CDK14: variants seen among roughly 807,000 people sequenced by gnomAD.
The protein encoded by CDK14 is cyclin-dependent kinase 14.
In CDK14, 34 loss-of-function variants were observed where a neutral mutation model predicts 60.7. That is an observed-to-expected ratio of 0.56 (90% CI 0.43 to 0.75). The LOEUF (loss-of-function observed/expected upper bound fraction) is 0.75. Ranked by LOEUF, CDK14 falls within the 30% of genes least tolerant of loss-of-function variation. The pLI, the probability that CDK14 is intolerant of heterozygous loss-of-function variation, is 0.00. For synonymous variants in CDK14, 197 were observed against 203.7 expected (o/e 0.97, Z 0.28); for missense variants, 482 against 564.1 (o/e 0.85, Z 1.47).
chr7:90,726,212 G>A, intron 2 of CDK14: 1 of 607,086 alleles, frequency 1.6e-6, no homozygotes, highest in Non-Finnish European at 2.1e-6. Flanking sequence ...TTTAAATTAA[G>A]GCTAGTTACC....
intron 13 of CDK14, 121 bp from the exon 14 acceptor site, chr7:91,117,944 A>T (rs1799656627): frequency 1.8e-6 from 1 of 559,028 alleles, no homozygotes; most frequent in Non-Finnish European, 3.2e-6. Flanking sequence ...ATCAAAACAT[A>T]CCATGATGTT....
rs150927700 is a variant in CDK14, at chr7:90,878,112, CAG to C, written c.639+14857_639+14858del. Among the ~76,000 whole-genome samples the C allele has an allele frequency of 4.0e-4, 58 of 145,382 alleles. 2 individuals carry two copies. In the South Asian group the frequency reaches 0.012, roughly 29 times the overall value. On this transcript the variant is annotated intron_variant, in intron 6 of 14. Transcript: ENST00000380050. The stretch of plus-strand genomic sequence containing the variant: ...TGTGTGTGAGAGAGAGAGAGAGAGA[CAG>C]AGAGAGAGAGAGAATTGAGAGTTAT...
intron 8 of CDK14, among the ~76,000 whole-genome samples, chr7:90,922,009 A>G (rs906019031): frequency 6.6e-6 from 1 of 152,196 alleles, no homozygotes; most frequent in African/African-American, 2.4e-5. Flanking sequence ...AATAGTAGTA[A>G]ACAGAAAGAA....
At chr7:90,719,109 G>GA (rs1563056076) in intron 2 of CDK14, among the ~76,000 whole-genome samples, 1 of 151,858 alleles carries the variant, frequency 6.6e-6, no homozygotes, top group South Asian at 2.1e-4. Flanking sequence ...TGGACAAAGG[G>GA]AAAAAAACAA....
chr7:90,688,288 G>A (rs1021577718), intron 2 of CDK14, among the ~76,000 whole-genome samples: 1 of 152,080 alleles, frequency 6.6e-6, no homozygotes, highest in Admixed American at 6.6e-5. Flanking sequence ...AGTGAATACG[G>A]ATTTCTAATG....
At chr7:90,907,708 A>T (rs536279882) in intron 7 of CDK14, among the ~76,000 whole-genome samples, 1 of 152,076 alleles carries the variant, frequency 6.6e-6, no homozygotes, top group Non-Finnish European at 1.5e-5. Flanking sequence ...CATAAAGCTG[A>T]TTCTTATTTT....
chr7:91,117,957 G>A, intron 13 of CDK14, 108 bp from the exon 14 acceptor site: 1 of 601,930 alleles, frequency 1.7e-6, no homozygotes, highest in Non-Finnish European at 2.9e-6. Context: ...ATGATGTTCA[G>A]TGTGCTGGGC....
intron 11 of CDK14, among the ~76,000 whole-genome samples, chr7:91,053,221 T>C (rs1797443295): frequency 6.6e-6 from 1 of 152,230 alleles, no homozygotes; most frequent in Non-Finnish European, 1.5e-5. Context: ...AACTGCATTA[T>C]AATAATGCTT....
intron 2 of CDK14, among the ~76,000 whole-genome samples, chr7:90,717,700 T>C (rs1802297438): frequency 6.6e-6 from 1 of 152,154 alleles, no homozygotes; most frequent in Non-Finnish European, 1.5e-5. Flanking sequence ...GTTTTTAATG[T>C]AGTTTCTCAG....
At chr7:90,622,541 TG>T (rs1799793539) in intron 2 of CDK14, among the ~76,000 whole-genome samples, 1 of 152,222 alleles carries the variant, frequency 6.6e-6, no homozygotes, top group Non-Finnish European at 1.5e-5. Flanking sequence ...TTCATATTTT[TG>T]GTTTTCTTCT....
intron 14 of CDK14, among the ~76,000 whole-genome samples, chr7:91,149,258 C>T (rs916344743): frequency 1.3e-5 from 2 of 151,754 alleles, no homozygotes; most frequent in African/African-American, 2.4e-5. Context: ...ATTTTCCGAA[C>T]GTGCCATTCA....
intron 2 of CDK14, among the ~76,000 whole-genome samples, chr7:90,645,427 C>T (rs1312467739): frequency 3.3e-5 from 5 of 151,434 alleles, no homozygotes; most frequent in African/African-American, 9.7e-5. Context: ...CTTTTTTTTC[C>T]CCCGTAACTC....
intron 14 of CDK14, among the ~76,000 whole-genome samples, chr7:91,174,015 A>C (rs994488970): frequency 2.6e-5 from 4 of 152,134 alleles, no homozygotes; most frequent in African/African-American, 9.7e-5. Flanking sequence ...GGCACAGACA[A>C]ACAAAAAGAT....
chr7:91,139,757 A>ACTTTT (rs981424644), intron 14 of CDK14, among the ~76,000 whole-genome samples: 1 of 148,016 alleles, frequency 6.8e-6, no homozygotes, highest in Non-Finnish European at 1.5e-5. Flanking sequence ...ACAATTCAGA[A>ACTTTT]CTTTTCTTTT....
At chr7:90,759,286 C>T (rs999851134) in intron 4 of CDK14, among the ~76,000 whole-genome samples, 6 of 152,112 alleles carry the variant, frequency 3.9e-5, no homozygotes, top group South Asian at 2.1e-4. Context: ...CTTACTCCTT[C>T]CCCCCAAGCA....
intron 11 of CDK14, among the ~76,000 whole-genome samples, chr7:91,060,439 C>T (rs564970979): frequency 6.6e-6 from 1 of 152,138 alleles, no homozygotes; most frequent in Non-Finnish European, 1.5e-5. Context: ...TTGATCCTGT[C>T]ATTATGATGT....
chr7:91,091,395 A>G (rs1264683220), intron 12 of CDK14, among the ~76,000 whole-genome samples: 1 of 143,798 alleles, frequency 7.0e-6, no homozygotes, highest in Non-Finnish European at 1.5e-5. Context: ...ATATACACAT[A>G]TGTATATAAA....
chr7:91,178,515 T>A (rs1801862692), intron 14 of CDK14, among the ~76,000 whole-genome samples: 1 of 149,264 alleles, frequency 6.7e-6, no homozygotes, highest in African/African-American at 2.5e-5. Context: ...ACCATCAGAG[T>A]GAACAGGCAA....
intron 5 of CDK14, among the ~76,000 whole-genome samples, chr7:90,793,875 C>G (rs750895143): frequency 6.6e-6 from 1 of 152,166 alleles, no homozygotes; most frequent in Non-Finnish European, 1.5e-5. Flanking sequence ...GTCCCCCAAA[C>G]TTAACAGTAT....
Sources: allele counts gnomAD v4.1 joint callset (sites outside exome capture counted in the v4.1 genomes callset), GRCh38; gene constraint gnomAD v4.1.1; transcripts MANE v1.5; gene names NCBI Gene and HGNC (gene_info 2026-07-23, HGNC 2026-07-21).